TMEM175: variants seen among roughly 807,000 people sequenced by gnomAD.
TMEM175 encodes transmembrane protein 175, also known as endosomal/lysosomal proton channel TMEM175.
Under a neutral mutation model 36.5 loss-of-function variants are expected in TMEM175, and 36 were observed. The observed-to-expected ratio is 0.99, with a 90% CI of 0.76 to 1.30. The LOEUF (loss-of-function observed/expected upper bound fraction) is 1.30. TMEM175 is among the 50% of genes most tolerant of loss of function. TMEM175 has a pLI of 0.00. For missense variants in TMEM175, 705 were observed against 692.8 expected (o/e 1.02, Z -0.20); for synonymous variants, 339 against 313.4 (o/e 1.08, Z -0.86).
chr4:941,104 G>A (rs1042802142), intron 1 of TMEM175, among the ~76,000 whole-genome samples: 4 of 149,466 alleles, frequency 2.7e-5, no homozygotes, highest in African/African-American at 4.9e-5. Flanking sequence ...TGGGCCGGGT[G>A]CAGTGGCTCA....
chr4:943,197 C>A (rs1325415285), intron 1 of TMEM175, among the ~76,000 whole-genome samples: 1 of 151,174 alleles, frequency 6.6e-6, no homozygotes, highest in African/African-American at 2.4e-5. Context: ...CAATGAGACA[C>A]CCCTACACGA....
At chr4:954,947 T>C (rs1218346134) in intron 8 of TMEM175, among the ~76,000 whole-genome samples, 1 of 152,146 alleles carries the variant, frequency 6.6e-6, no homozygotes, top group East Asian at 1.9e-4. Context: ...TGGGTCGTCC[T>C]TTTATTTTTG....
rs148551455 is a variant in TMEM175 at position 944,244 on chromosome 4, G to T, written c.-31-3465G>T. ...GGAGGCGGAGGTTGCAGTGAGCTGC[G>T]ATCGTGCCACTGCAATCCAGCCTGG... On this transcript the variant is annotated intron_variant, in intron 1 of 10. Transcript: ENST00000264771. Among the ~76,000 whole-genome samples, 1,119 of 152,344 alleles carry T rather than the reference G, an allele frequency of 7.3e-3. 16 individuals carry two copies. The highest frequency in any genetic ancestry group is 0.025 in the African/African-American group (1,042 of 41,576).
intron 10 of TMEM175, among the ~76,000 whole-genome samples, chr4:957,349 A>T (rs1292428201): frequency 1.3e-5 from 2 of 152,012 alleles, no homozygotes; most frequent in Non-Finnish European, 2.9e-5. Flanking sequence ...CTCCCTGTGG[A>T]GGGAGTTGGC....
intron 10 of TMEM175, 134 bp from the exon 11 acceptor site, chr4:957,690 C>T: frequency 2.4e-6 from 2 of 821,052 alleles, no homozygotes; most frequent in Non-Finnish European, 3.9e-6. Context: ...TGAAATTTAG[C>T]ACACTGGGAA....
chr4:948,006 C>G (rs1483962713), intron 2 of TMEM175, 110 bp from the exon 3 acceptor site: 1 of 1,609,928 alleles, frequency 6.2e-7, no homozygotes, highest in Non-Finnish European at 8.5e-7. Flanking sequence ...CCCAGCTCCT[C>G]AGGCAGCTTA....
intron 6 of TMEM175, chr4:952,095 G>C (rs1728963854): frequency 1.7e-6 from 1 of 591,410 alleles, no homozygotes; most frequent in South Asian, 2.0e-5. Context: ...AGTGTGCGGG[G>C]CTGTGTGCCA....
chr4:958,413 G>A lies in TMEM175; in HGVS notation c.1432G>A (p.Gly478Ser), dbSNP rs1490050501. The A allele has an allele frequency of 6.3e-7, 1 of 1,597,654 alleles. No homozygotes were observed. The highest frequency in any genetic ancestry group is 1.3e-5 in the African/African-American group (1 of 74,800). The change falls in exon 11 of 11, where the codon GGC becomes AGC. Residue 478 changes from glycine (G) to serine (S), a missense_variant. Physicochemically the swap from Gly to Ser is moderately conservative, Grantham distance 56. Coordinates refer to ENST00000264771, the MANE Select transcript of TMEM175 (RefSeq NM_032326.4). ...CCTGGCCACCCTGCGGGTCCTGCGGGGCCTCGCCCGGCCCGAACACCCCCC... is the reference window on the plus strand; with the variant it reads ...CCTGGCCACCCTGCGGGTCCTGCGGAGCCTCGCCCGGCCCGAACACCCCCC... ...LALATLRVLR[G>S]LARPEHPPPA... is the part of the protein sequence containing the mutation.
intron 2 of TMEM175, 83 bp downstream of exon 2, chr4:947,975 C>T (rs1252446300): frequency 2.9e-5 from 46 of 1,610,396 alleles, no homozygotes; most frequent in Non-Finnish European, 3.7e-5. Context: ...CTGTCTAGGT[C>T]TTGCCAGCAT....
intron 2 of TMEM175, 36 bp downstream of exon 2, chr4:947,928 C>G (rs779816731): frequency 6.2e-7 from 1 of 1,613,688 alleles, no homozygotes; most frequent in South Asian, 1.1e-5. Flanking sequence ...CTGCCCCACC[C>G]CGAGCCTCTC....
Position 951,701 on chromosome 4 carries a change from C to T in TMEM175, c.362C>T (p.Thr121Ile). Reference sequence around the variant, plus strand: ...CTCCAGGCCTGCATGATGACCATCACCTTCCTGCCTTACACGGTGAGCAAC... The same window carrying T: ...CTCCAGGCCTGCATGATGACCATCATCTTCCTGCCTTACACGGTGAGCAAC... The part of the protein sequence containing the change: ...LLNLACMMTI[T>I]FLPYTFSLMV... Residue 121 changes from threonine to isoleucine, a missense_variant, in exon 6 of 11, where the codon ACC becomes ATC. Physicochemically the swap from Thr to Ile is moderately conservative, Grantham distance 89. Coordinates refer to ENST00000264771, the MANE Select transcript of TMEM175 (RefSeq NM_032326.4). 1 of 1,614,174 alleles carries T rather than the reference C, an allele frequency of 6.2e-7. No individual in the cohort carries two copies. The highest frequency in any genetic ancestry group is 8.5e-7 in the Non-Finnish European group (1 of 1,180,010).
chr4:935,779 A>G (rs1726716317), intron 1 of TMEM175, among the ~76,000 whole-genome samples: 1 of 152,268 alleles, frequency 6.6e-6, no homozygotes, highest in Non-Finnish European at 1.5e-5. Context: ...CAAGTATGTT[A>G]TCTGACCAGA....
rs760875683 is a variant in TMEM175 at position 950,470 on chromosome 4, A to G, written c.242A>G (p.Tyr81Cys). The change falls in exon 4 of 11, where the codon TAC becomes TGC. Residue 81 changes from tyrosine to cysteine, a missense_variant. Tyr to Cys is a radical substitution (Grantham distance 194). Transcript: ENST00000264771. Reference protein sequence around the residue: ...QRLLATRIAVYLMTFLIVTVA... With the variant: ...QRLLATRIAVCLMTFLIVTVA... ...CTTCTGGCAACACGGATTGCCGTCTACCTGATGACCTTTCTCATCGTGACA... is the reference window on the plus strand; with the variant it reads ...CTTCTGGCAACACGGATTGCCGTCTGCCTGATGACCTTTCTCATCGTGACA... 4.3e-6 allele frequency: 7 copies of G among 1,614,042 alleles called. No homozygotes were observed. The South Asian group carries it at 5.5e-5, about 13-fold the overall frequency.
chr4:958,188 G>A lies in TMEM175; in HGVS notation c.1207G>A (p.Glu403Lys), dbSNP rs759784148. 1.2e-6 allele frequency: 2 copies of A among 1,603,218 alleles called. No homozygotes were observed. The highest frequency in any genetic ancestry group is 2.2e-5 in the South Asian group (2 of 90,962). ...MWTTALLHQAETLQPSVWFGG... is the reference protein window; with the variant it reads ...MWTTALLHQAKTLQPSVWFGG... ...GACCACGGCGCTGCTGCACCAGGCG[G>A]AGACGCTGCAGCCCTCGGTGTGGTT... The change falls in exon 11 of 11, where the codon GAG becomes AAG. Residue 403 changes from glutamate (E) to lysine (K), a missense_variant. Transcript: ENST00000264771.
At chr4:952,896 C>T (rs1350965939) in intron 7 of TMEM175, among the ~76,000 whole-genome samples, 2 of 152,044 alleles carry the variant, frequency 1.3e-5, no homozygotes, top group African/African-American at 4.8e-5. Context: ...TGACCAGAGA[C>T]TGGGAAGAGT....
chr4:936,375 T>C (rs1726781976), intron 1 of TMEM175, among the ~76,000 whole-genome samples: 1 of 149,636 alleles, frequency 6.7e-6, no homozygotes, highest in Admixed American at 6.7e-5. Context: ...AGAAGGCAGA[T>C]AATAAGTATC....
At position 938,138 on chromosome 4, in the gene TMEM175, G is replaced by C. The variant is rs186489603; in HGVS notation, c.-32+5598G>C. ...CCCCTAAGACCAGGAACAAGCCAAG[G>C]CTGGCTGTCTGATCTCACCACTTCT... On this transcript the variant is annotated intron_variant, in intron 1 of 10. Coordinates refer to ENST00000264771, the MANE Select transcript of TMEM175 (RefSeq NM_032326.4). 1.1e-4 allele frequency among the ~76,000 whole-genome samples: 17 copies of C among 152,308 alleles called. No homozygotes were observed. The East Asian group carries it at 2.7e-3, about 24-fold the overall frequency.
Position 958,260 on chromosome 4 carries a change from C to T in TMEM175, c.1279C>T (p.Pro427Ser), listed in dbSNP as rs1465359006. Residue 427 changes from proline (P) to serine (S), a missense_variant, in exon 11 of 11, where the codon CCC becomes TCC. Pro to Ser is a moderately conservative substitution (Grantham distance 74, BLOSUM62 -1). Coordinates refer to ENST00000264771, the MANE Select transcript of TMEM175 (RefSeq NM_032326.4). ...VLMFAKLALY[P>S]CASLLAFAST... is the part of the protein sequence containing the mutation. The stretch of plus-strand genomic sequence containing the variant: ...CATGTTCGCCAAGCTGGCGCTGTAC[C>T]CCTGTGCCAGCCTGCTGGCCTTCGC... The T allele has an allele frequency of 1.1e-5, 17 of 1,606,144 alleles. 1 individual carries two copies. The highest frequency in any genetic ancestry group is 1.4e-5 in the Non-Finnish European group (17 of 1,179,258).
intron 10 of TMEM175, chr4:956,718 A>G: frequency 3.0e-6 from 1 of 338,686 alleles, no homozygotes; most frequent in South Asian, 2.3e-5. Flanking sequence ...TGCTGGGATT[A>G]CAGGTGTAAG....
Sources: allele counts gnomAD v4.1 joint callset (sites outside exome capture counted in the v4.1 genomes callset), GRCh38; gene constraint gnomAD v4.1.1; transcripts MANE v1.5; gene names NCBI Gene and HGNC (gene_info 2026-07-23, HGNC 2026-07-21).